The following TRAM2 variants were observed in gnomAD, a reference collection of about 807,000 sequenced individuals.
TRAM2 encodes the protein translocating chain-associated membrane protein 2.
In TRAM2, 12 loss-of-function variants were observed where a neutral mutation model predicts 51.0. The ratio of observed to expected loss-of-function variants is 0.24; its 90% confidence interval spans 0.15 to 0.38. The LOEUF (loss-of-function observed/expected upper bound fraction) is 0.38, where lower values mean the gene tolerates loss of function less well. Among genes scored for constraint, TRAM2 ranks in the 10% least tolerant of loss-of-function variants. The probability of loss-of-function intolerance (pLI) is 1.00; values close to 1 mark genes in which losing one functional copy is unlikely to be tolerated. For synonymous variants in TRAM2, 175 were observed against 179.4 expected (o/e 0.98, Z 0.20); for missense variants, 361 against 462.0 (o/e 0.78, Z 2.00).
intron 1 of TRAM2, among the ~76,000 whole-genome samples, chr6:52,570,487 G>C (rs1053051293): frequency 6.6e-6 from 1 of 152,200 alleles, no homozygotes; most frequent in Non-Finnish European, 1.5e-5. Flanking sequence ...ATGTGAGCCA[G>C]ACGTTGCTGA....
intron 9 of TRAM2, among the ~76,000 whole-genome samples, chr6:52,505,175 A>G (rs1056430625): frequency 2.6e-5 from 4 of 152,206 alleles, no homozygotes; most frequent in African/African-American, 7.2e-5. Context: ...AAGTGGAGCA[A>G]CCCTGGACAA....
chr6:52,554,793 G>T (rs1434804916), intron 1 of TRAM2, among the ~76,000 whole-genome samples: 1 of 147,446 alleles, frequency 6.8e-6, no homozygotes, highest in Non-Finnish European at 1.5e-5. Flanking sequence ...TTAACAGAGG[G>T]TCTTGCTCTG....
At chr6:52,557,633 AG>A (rs1767432580) in intron 1 of TRAM2, among the ~76,000 whole-genome samples, 1 of 152,226 alleles carries the variant, frequency 6.6e-6, no homozygotes, top group Non-Finnish European at 1.5e-5. Context: ...ATGGAGAATC[AG>A]GGTGTATGTC....
chr6:52,557,659 G>A (rs1381479959), intron 1 of TRAM2, among the ~76,000 whole-genome samples: 1 of 152,194 alleles, frequency 6.6e-6, no homozygotes, highest in African/African-American at 2.4e-5. Context: ...TAAGGCAACT[G>A]AGCCTCAAAT....
intron 1 of TRAM2, among the ~76,000 whole-genome samples, chr6:52,565,415 C>T (rs1767573505): frequency 6.6e-6 from 1 of 152,100 alleles, no homozygotes; most frequent in Non-Finnish European, 1.5e-5. Flanking sequence ...GTGACGGCTG[C>T]GGGCTTCGGT....
intron 1 of TRAM2, among the ~76,000 whole-genome samples, chr6:52,572,577 T>G (rs1233815031): frequency 6.6e-6 from 1 of 152,202 alleles, no homozygotes; most frequent in Non-Finnish European, 1.5e-5. Context: ...CACTCCAGCC[T>G]GTGTGACAGA....
At chr6:52,520,161 T>TA (rs1394772856) in intron 2 of TRAM2, among the ~76,000 whole-genome samples, 2 of 152,188 alleles carry the variant, frequency 1.3e-5, no homozygotes, top group African/African-American at 4.8e-5. Flanking sequence ...TTTTACAATT[T>TA]AAAAAACAAC....
chr6:52,516,340 T>C (rs554832174), intron 3 of TRAM2: 2 of 595,500 alleles, frequency 3.4e-6, no homozygotes, highest in South Asian at 2.0e-5. Context: ...CTCTAGCCTA[T>C]GTGTAAAGAA....
chr6:52,554,765 CCTTTTTTT>C (rs1767373729), intron 1 of TRAM2, among the ~76,000 whole-genome samples: 2 of 127,732 alleles, frequency 1.6e-5, no homozygotes, highest in South Asian at 5.4e-4. Flanking sequence ...TAGAGTCAAT[CCTTTTTTT>C]TTTTTTTTTT....
chr6:52,528,339 G>A (rs1464274779), intron 2 of TRAM2, among the ~76,000 whole-genome samples: 2 of 152,006 alleles, frequency 1.3e-5, no homozygotes, highest in Non-Finnish European at 2.9e-5. Flanking sequence ...AATCAAGTAT[G>A]GCTTCCATCT....
intron 2 of TRAM2, among the ~76,000 whole-genome samples, chr6:52,521,294 A>G (rs1480173307): frequency 6.6e-6 from 1 of 152,136 alleles, no homozygotes; most frequent in Non-Finnish European, 1.5e-5. Flanking sequence ...GTTTTCATAG[A>G]ACTATAGAGG....
rs748051815 is a variant in TRAM2, at chr6:52,500,014, G to A, written c.*3183C>T. 1 of 152,186 alleles carries A rather than the reference G, an allele frequency of 6.6e-6. No individual in the cohort carries two copies. The highest frequency in any genetic ancestry group is 1.5e-5 in the Non-Finnish European group (1 of 68,052). The allele number at this position is 152,186 out of a possible 1,614,324, so 9.4% of individuals were successfully genotyped here. ...CCATCATCACTGCACCTCCAAGGAG[G>A]GGAGCGGGTAGCACAGATCCTTGGT... On this transcript the variant is annotated 3_prime_UTR_variant, in exon 11 of 11. Transcript: ENST00000182527.
chr6:52,557,962 A>G (rs1767437783), intron 1 of TRAM2, among the ~76,000 whole-genome samples: 1 of 152,162 alleles, frequency 6.6e-6, no homozygotes, highest in Non-Finnish European at 1.5e-5. Flanking sequence ...GAGGAAGCTG[A>G]GCTTGCAAGC....
chr6:52,553,059 T>C (rs1411412982), intron 1 of TRAM2, among the ~76,000 whole-genome samples: 4 of 152,090 alleles, frequency 2.6e-5, no homozygotes, highest in Non-Finnish European at 5.9e-5. Flanking sequence ...CCTCCCACTA[T>C]CCATAGCTAG....
At chr6:52,540,362 C>T (rs1767056506) in intron 1 of TRAM2, among the ~76,000 whole-genome samples, 1 of 152,022 alleles carries the variant, frequency 6.6e-6, no homozygotes. Context: ...AAAAAATATG[C>T]ATTTTAGGCA....
At chr6:52,550,383 C>T (rs544779815) in intron 1 of TRAM2, among the ~76,000 whole-genome samples, 7 of 152,286 alleles carry the variant, frequency 4.6e-5, no homozygotes, top group African/African-American at 1.2e-4. Flanking sequence ...AGCCAGTCCA[C>T]GCCCTTGTTA....
intron 1 of TRAM2, among the ~76,000 whole-genome samples, chr6:52,575,316 T>G (rs997174217): frequency 2.0e-5 from 3 of 152,108 alleles, no homozygotes; most frequent in African/African-American, 7.2e-5. Context: ...CACACGGATA[T>G]GACTCTGTGT....
chr6:52,535,893 AAAAG>A, intron 1 of TRAM2, 47 bp from the exon 2 acceptor site: 1 of 1,556,016 alleles, frequency 6.4e-7, no homozygotes, highest in Non-Finnish European at 8.8e-7. Context: ...TGGCCACATC[AAAAG>A]AAACAAGTGG....
intron 10 of TRAM2, among the ~76,000 whole-genome samples, chr6:52,503,910 C>T (rs1021343049): frequency 1.3e-5 from 2 of 152,192 alleles, no homozygotes; most frequent in Non-Finnish European, 1.5e-5. Flanking sequence ...CACCCAGCTG[C>T]GCGCGTGTCT....
Sources: allele counts gnomAD v4.1 joint callset (sites outside exome capture counted in the v4.1 genomes callset), GRCh38; gene constraint gnomAD v4.1.1; transcripts MANE v1.5; gene names NCBI Gene and HGNC (gene_info 2026-07-23, HGNC 2026-07-21).